Variants in RSU1 observed in about 807,000 individuals in gnomAD.
RSU1 encodes Ras suppressor protein 1.
RSU1 carries 26 observed loss-of-function variants against 31.1 expected under a neutral mutation model. The ratio of observed to expected loss-of-function variants is 0.84; its 90% confidence interval spans 0.61 to 1.16. RSU1 has a LOEUF of 1.16. Among genes scored for constraint, RSU1 ranks in the 50% most tolerant of loss-of-function variants. The pLI is 0.00. For missense variants in RSU1, 320 were observed against 339.1 expected (o/e 0.94, Z 0.44); for synonymous variants, 164 against 136.3 (o/e 1.20, Z -1.41).
At chr10:16,694,071 G>T (rs1046892296) in intron 8 of RSU1, among the ~76,000 whole-genome samples, 2 of 152,160 alleles carry the variant, frequency 1.3e-5, no homozygotes. Flanking sequence ...AATAATGACG[G>T]TACATATAAC....
chr10:16,607,791 G>C (rs17138855), intron 8 of RSU1, among the ~76,000 whole-genome samples: 1 of 152,068 alleles, frequency 6.6e-6, no homozygotes, highest in African/African-American at 2.4e-5. Context: ...ATCATGTTAC[G>C]TGAAACTCTA....
At chr10:16,759,220 C>T (rs1020358308) in intron 4 of RSU1, among the ~76,000 whole-genome samples, 4 of 152,266 alleles carry the variant, frequency 2.6e-5, no homozygotes, top group South Asian at 2.1e-4. Flanking sequence ...AAAATCCAGG[C>T]CGAGCCCAGT....
Position 16,736,422 on chromosome 10 carries a change from G to C in RSU1, c.598+16117C>G, listed in dbSNP as rs193134324. Among the ~76,000 whole-genome samples, 17 of 152,148 alleles carry C rather than the reference G, an allele frequency of 1.1e-4. No individual in the cohort carries two copies. The East Asian group carries it at 2.3e-3, about 21-fold the overall frequency. On this transcript the variant is annotated intron_variant, in intron 7 of 8. Coordinates refer to ENST00000345264, the MANE Select transcript of RSU1 (RefSeq NM_012425.4). ...TGGTCAAGAGGCAGTAATCCCAGAA[G>C]TCTTAAGATTAGGGTTAATCTAGCC...
chr10:16,609,146 C>G (rs1431788525), intron 8 of RSU1, among the ~76,000 whole-genome samples: 2 of 152,170 alleles, frequency 1.3e-5, no homozygotes, highest in African/African-American at 4.8e-5. Flanking sequence ...CGGTGCCCAG[C>G]CTAAAATCAG....
At chr10:16,789,647 T>G (rs1350764629) in intron 2 of RSU1, among the ~76,000 whole-genome samples, 1 of 152,160 alleles carries the variant, frequency 6.6e-6, no homozygotes, top group Non-Finnish European at 1.5e-5. Flanking sequence ...CCGTTGAACG[T>G]GTCGGGAAAA....
chr10:16,750,047 T>A (rs1165418149), intron 7 of RSU1, among the ~76,000 whole-genome samples: 1 of 152,200 alleles, frequency 6.6e-6, no homozygotes, highest in African/African-American at 2.4e-5. Context: ...TCCTCATCTT[T>A]AAAAAGTCTC....
intron 8 of RSU1, among the ~76,000 whole-genome samples, chr10:16,619,070 T>C (rs1001864948): frequency 1.3e-5 from 2 of 152,200 alleles, no homozygotes; most frequent in African/African-American, 4.8e-5. Flanking sequence ...TAGCACCTCA[T>C]TGAGAATGAT....
intron 2 of RSU1, among the ~76,000 whole-genome samples, chr10:16,788,028 T>C (rs986191355): frequency 1.3e-5 from 2 of 152,202 alleles, no homozygotes; most frequent in Non-Finnish European, 2.9e-5. Flanking sequence ...TTTCTTTGAG[T>C]TCAGATTTTT....
At chr10:16,638,538 A>T (rs897541894) in intron 8 of RSU1, among the ~76,000 whole-genome samples, 5 of 152,210 alleles carry the variant, frequency 3.3e-5, no homozygotes, top group Non-Finnish European at 7.3e-5. Flanking sequence ...CCGCACAAGG[A>T]CAGGGGCCCC....
chr10:16,601,824 G>A (rs1833719655), intron 8 of RSU1, among the ~76,000 whole-genome samples: 1 of 152,220 alleles, frequency 6.6e-6, no homozygotes, highest in Non-Finnish European at 1.5e-5. Flanking sequence ...GATGGAGTGA[G>A]TGTGAGTTCT....
intron 3 of RSU1, 62 bp from the exon 4 acceptor site, chr10:16,764,572 C>G (rs556763193): frequency 1.7e-5 from 25 of 1,514,744 alleles, no homozygotes; most frequent in Non-Finnish European, 2.2e-5. Flanking sequence ...GGGATGGCAG[C>G]GGCACATTTT....
At chr10:16,636,729 G>A (rs1193815486) in intron 8 of RSU1, among the ~76,000 whole-genome samples, 2 of 152,066 alleles carry the variant, frequency 1.3e-5, no homozygotes, top group Middle Eastern at 3.2e-3. Flanking sequence ...TATCCCTGGG[G>A]GGCAGGGTGG....
intron 8 of RSU1, among the ~76,000 whole-genome samples, chr10:16,646,869 G>A (rs948668496): frequency 5.9e-5 from 9 of 152,156 alleles, no homozygotes; most frequent in Non-Finnish European, 1.0e-4. Context: ...GAATCAACAC[G>A]CAAACCAAAA....
At chr10:16,631,381 A>G (rs1834244788) in intron 8 of RSU1, among the ~76,000 whole-genome samples, 1 of 152,168 alleles carries the variant, frequency 6.6e-6, no homozygotes, top group African/African-American at 2.4e-5. Context: ...CACATCTCAG[A>G]GAGTGCGCTT....
At chr10:16,750,356 C>A (rs545422107) in intron 7 of RSU1, among the ~76,000 whole-genome samples, 2 of 152,124 alleles carry the variant, frequency 1.3e-5, no homozygotes, top group Non-Finnish European at 2.9e-5. Flanking sequence ...TTTCTACATA[C>A]GGCTCGCAAA....
chr10:16,618,764 T>C (rs1834022375), intron 8 of RSU1, among the ~76,000 whole-genome samples: 2 of 152,100 alleles, frequency 1.3e-5, no homozygotes, highest in African/African-American at 4.8e-5. Flanking sequence ...CACTCATAAG[T>C]GGTAGTTGAA....
intron 8 of RSU1, among the ~76,000 whole-genome samples, chr10:16,599,092 C>T (rs1034521237): frequency 5.9e-5 from 9 of 152,102 alleles, no homozygotes; most frequent in Non-Finnish European, 8.8e-5. Context: ...AGCTAACACT[C>T]GTGGCTTGTG....
Position 16,754,946 on chromosome 10 carries a change from G to A in RSU1, c.325C>T (p.Pro109Ser). The change falls in exon 5 of 9, where the codon CCA becomes TCA. Residue 109 changes from proline (P) to serine (S), a missense_variant. By Grantham distance (74) the Pro-to-Ser change is moderately conservative. Coordinates refer to ENST00000345264, the MANE Select transcript of RSU1 (RefSeq NM_012425.4). Reference sequence around the variant, plus strand: ...GTCAAGTCCAGAACCTCAAGAGCTGGCAGGGAGCCGAAGCCTCGTGGCAAA... The same window carrying A: ...GTCAAGTCCAGAACCTCAAGAGCTGACAGGGAGCCGAAGCCTCGTGGCAAA... The part of the protein sequence containing the change: ...NTLPRGFGSL[P>S]ALEVLDLTYN... 1 of 1,613,608 alleles carries A rather than the reference G, an allele frequency of 6.2e-7. No individual in the cohort carries two copies. The highest frequency in any genetic ancestry group is 8.5e-7 in the Non-Finnish European group (1 of 1,179,762).
chr10:16,599,940 G>A (rs1311352368), intron 8 of RSU1, among the ~76,000 whole-genome samples: 1 of 152,224 alleles, frequency 6.6e-6, no homozygotes, highest in East Asian at 1.9e-4. Context: ...GCAGTGGCTG[G>A]TGGGTAAAAT....
Sources: gnomAD v4.1 joint callset for allele counts (sites outside exome capture counted in the v4.1 genomes callset) on GRCh38, gnomAD v4.1.1 for gene constraint, MANE v1.5 for transcripts, NCBI Gene and HGNC (gene_info 2026-07-23, HGNC 2026-07-21) for gene names.